VWA8: variants seen among roughly 807,000 people sequenced by gnomAD.
VWA8 encodes von Willebrand factor A domain containing 8, also known as von Willebrand factor A domain-containing protein 8.
VWA8 carries 221 observed loss-of-function variants against 241.5 expected under a neutral mutation model. That is an observed-to-expected ratio of 0.91 (90% CI 0.82 to 1.02). The LOEUF (loss-of-function observed/expected upper bound fraction) is 1.02. Among genes scored for constraint, VWA8 ranks in the 50% least tolerant of loss-of-function variants. The probability of loss-of-function intolerance (pLI) is 0.00; values close to 1 mark genes in which losing one functional copy is unlikely to be tolerated. For missense variants in VWA8, 2,322 were observed against 2,328.7 expected, an observed-to-expected ratio of 1.00 and a Z score of 0.06; for synonymous variants, 852 against 827.1, an observed-to-expected ratio of 1.03 and a Z score of -0.52.
chr13:41,693,908 CTTTGT>C (rs1481682138), intron 29 of VWA8, among the ~76,000 whole-genome samples: 2 of 151,816 alleles, frequency 1.3e-5, no homozygotes, highest in South Asian at 2.1e-4. Context: ...TCTTTTCTTT[CTTTGT>C]TTTATTTTAT....
chr13:41,862,436 T>C (rs960541515), intron 12 of VWA8, among the ~76,000 whole-genome samples: 1 of 152,068 alleles, frequency 6.6e-6, no homozygotes, highest in African/African-American at 2.4e-5. Flanking sequence ...AAACCAAAAA[T>C]TGACAAGTGA....
intron 20 of VWA8, among the ~76,000 whole-genome samples, chr13:41,765,709 A>G (rs997718456): frequency 6.6e-6 from 1 of 152,222 alleles, no homozygotes; most frequent in South Asian, 2.1e-4. Context: ...ATCTGCTAAC[A>G]TTTTAATTTT....
intron 37 of VWA8, among the ~76,000 whole-genome samples, chr13:41,631,175 A>G (rs991495404): frequency 1.3e-5 from 2 of 152,014 alleles, no homozygotes; most frequent in Non-Finnish European, 2.9e-5. Flanking sequence ...ACACGCTACC[A>G]CACCTAGCTA....
intron 2 of VWA8, among the ~76,000 whole-genome samples, chr13:41,922,258 C>A (rs528064040): frequency 8.1e-4 from 123 of 152,284 alleles, no homozygotes; most frequent in African/African-American, 2.8e-3. Context: ...TGGATCCCAT[C>A]CTTACACCCT....
intron 40 of VWA8, among the ~76,000 whole-genome samples, chr13:41,603,038 C>G (rs1215926970): frequency 1.3e-5 from 2 of 152,084 alleles, no homozygotes; most frequent in African/African-American, 2.4e-5. Context: ...TAGATCTCCA[C>G]AGAGGAAGAT....
chr13:41,586,149 A>C (rs1293349870), intron 42 of VWA8, among the ~76,000 whole-genome samples: 1 of 150,340 alleles, frequency 6.7e-6, no homozygotes, highest in Non-Finnish European at 1.5e-5. Flanking sequence ...ATTTTCTATA[A>C]ACCCATAAAG....
intron 37 of VWA8, among the ~76,000 whole-genome samples, chr13:41,638,139 T>C (rs752265883): frequency 3.3e-5 from 5 of 152,212 alleles, no homozygotes; most frequent in Admixed American, 2.6e-4. Context: ...ATCTACAGAA[T>C]GAAGGGAGTT....
intron 21 of VWA8, among the ~76,000 whole-genome samples, chr13:41,745,592 C>T (rs1480389745): frequency 6.6e-6 from 1 of 152,158 alleles, no homozygotes; most frequent in African/African-American, 2.4e-5. Flanking sequence ...ATGCGGCCAA[C>T]AGACACATGA....
intron 40 of VWA8, 86 bp from the exon 41 acceptor site, chr13:41,590,851 C>A: frequency 6.5e-7 from 1 of 1,529,412 alleles, no homozygotes; most frequent in South Asian, 1.2e-5. Flanking sequence ...ACAGGAAACA[C>A]ACCTGGGATC....
At position 41,757,835 on chromosome 13, in the gene VWA8, A is replaced by C. The variant is rs202198786; in HGVS notation, c.2426+3293T>G. On this transcript the variant is annotated intron_variant, in intron 21 of 44. Coordinates refer to ENST00000379310, the MANE Select transcript of VWA8 (RefSeq NM_015058.2). ...GGGAGTGGGAATGTGGGGGACAAGT[A>C]ATATGACAATGAGAAGAGGGCTTTC... Among the ~76,000 whole-genome samples, 7 of 151,834 alleles carry C rather than the reference A, an allele frequency of 4.6e-5. No individual in the cohort carries two copies. The East Asian group carries it at 1.2e-3, about 25-fold the overall frequency.
At chr13:41,583,891 T>A (rs745328202) in intron 42 of VWA8, among the ~76,000 whole-genome samples, 3 of 152,164 alleles carry the variant, frequency 2.0e-5, no homozygotes, top group African/African-American at 7.2e-5. Context: ...GAGTTGGATA[T>A]TATAAGACAG....
At chr13:41,663,858 T>A (rs1217963591) in intron 37 of VWA8, among the ~76,000 whole-genome samples, 1 of 151,528 alleles carries the variant, frequency 6.6e-6, no homozygotes. Context: ...GAACCGTCGT[T>A]AAGTCGGGGA....
chr13:41,907,891 T>G (rs1397688379), intron 3 of VWA8, among the ~76,000 whole-genome samples, 195 bp from the exon 4 acceptor site: 3 of 152,214 alleles, frequency 2.0e-5, no homozygotes, highest in African/African-American at 7.2e-5. Context: ...ATATATCTCC[T>G]CAGAGCTCTT....
intron 33 of VWA8, 135 bp downstream of exon 33, chr13:41,690,031 G>A: frequency 5.0e-6 from 3 of 603,752 alleles, no homozygotes; most frequent in Non-Finnish European, 8.1e-6. Flanking sequence ...TACTATTTCT[G>A]GTGTAGTGAC....
intron 28 of VWA8, among the ~76,000 whole-genome samples, 156 bp downstream of exon 28, chr13:41,701,236 A>G (rs1299354812): frequency 6.6e-6 from 1 of 152,218 alleles, no homozygotes; most frequent in Non-Finnish European, 1.5e-5. Flanking sequence ...AGGTTGTTAG[A>G]GGAAATTAGT....
chr13:41,751,806 C>T (rs983105264), intron 21 of VWA8, among the ~76,000 whole-genome samples: 1 of 152,114 alleles, frequency 6.6e-6, no homozygotes, highest in African/African-American at 2.4e-5. Flanking sequence ...AGAACACTTA[C>T]ATAACAGTTA....
At chr13:41,750,051 C>T (rs919232750) in intron 21 of VWA8, among the ~76,000 whole-genome samples, 1 of 151,918 alleles carries the variant, frequency 6.6e-6, no homozygotes, top group African/African-American at 2.4e-5. Flanking sequence ...TTTTATAAGG[C>T]CATGGTTGCC....
chr13:41,598,220 C>T (rs546026903), intron 40 of VWA8, among the ~76,000 whole-genome samples: 83 of 152,086 alleles, frequency 5.5e-4, no homozygotes, highest in Non-Finnish European at 6.6e-4. Context: ...TTTGCCTCTC[C>T]CATATGTAAC....
chr13:41,650,117 T>C (rs2044860055), intron 37 of VWA8, among the ~76,000 whole-genome samples: 1 of 152,224 alleles, frequency 6.6e-6, no homozygotes, highest in African/African-American at 2.4e-5. Flanking sequence ...TAATCTATAA[T>C]AGATAATAGG....
Sources: gnomAD v4.1 joint callset for allele counts (sites outside exome capture counted in the v4.1 genomes callset) on GRCh38, gnomAD v4.1.1 for gene constraint, MANE v1.5 for transcripts, NCBI Gene and HGNC (gene_info 2026-07-23, HGNC 2026-07-21) for gene names.